Variants in NKAIN3 observed in about 807,000 individuals in gnomAD.
The protein encoded by NKAIN3 is sodium/potassium-transporting ATPase subunit beta-1-interacting protein 3.
Under a neutral mutation model 30.2 loss-of-function variants are expected in NKAIN3, and 25 were observed. The ratio of observed to expected loss-of-function variants is 0.83; its 90% CI spans 0.60 to 1.16. The LOEUF (loss-of-function observed/expected upper bound fraction) is 1.16, where lower values mean the gene tolerates loss of function less well. Ranked by LOEUF, NKAIN3 falls within the 50% of genes most tolerant of loss-of-function variation. NKAIN3 has a pLI of 0.00. For synonymous variants in NKAIN3, 91 were observed against 89.6 expected (o/e 1.02, Z -0.09); for missense variants, 225 against 254.1 (o/e 0.89, Z 0.78).
chr8:62,294,682 C>G (rs1813769178), intron 1 of NKAIN3, among the ~76,000 whole-genome samples: 1 of 151,452 alleles, frequency 6.6e-6, no homozygotes. Context: ...GGACCACAAG[C>G]ACGTGTCACC....
At chr8:62,414,189 G>C (rs1042478737) in intron 1 of NKAIN3, among the ~76,000 whole-genome samples, 3 of 152,108 alleles carry the variant, frequency 2.0e-5, no homozygotes, top group Non-Finnish European at 4.4e-5. Context: ...CCAGCCTTCA[G>C]TACAGACTAT....
At chr8:62,742,061 C>T (rs1815918190) in intron 3 of NKAIN3, among the ~76,000 whole-genome samples, 1 of 151,974 alleles carries the variant, frequency 6.6e-6, no homozygotes, top group Non-Finnish European at 1.5e-5. Context: ...TTAGCTGGGA[C>T]TCTTTTTCAC....
chr8:62,800,970 C>T (rs1339407748), intron 4 of NKAIN3, among the ~76,000 whole-genome samples: 1 of 152,234 alleles, frequency 6.6e-6, no homozygotes, highest in Non-Finnish European at 1.5e-5. Flanking sequence ...TTATATCCTG[C>T]ACCTGGCTCG....
In NKAIN3 at chr8:62,951,543, C is replaced by A. The variant is rs557512493; in HGVS notation, c.533-2359C>A. On this transcript the variant is annotated intron_variant, in intron 5 of 6. Transcript: ENST00000623646. Reference sequence around the variant, plus strand: ...TCTGGGCTCACTGCAACCTCTGCCTCTGCCCTGTGGGCTCAAACTATCCTT... The same window carrying A: ...TCTGGGCTCACTGCAACCTCTGCCTATGCCCTGTGGGCTCAAACTATCCTT... Among the ~76,000 whole-genome samples the A allele has an allele frequency of 3.9e-5, 6 of 152,280 alleles. No individual in the cohort carries two copies. In the East Asian group the frequency reaches 1.2e-3, roughly 29 times the overall value.
chr8:62,742,187 G>A (rs1815925399), intron 3 of NKAIN3, among the ~76,000 whole-genome samples: 1 of 151,856 alleles, frequency 6.6e-6, no homozygotes, highest in South Asian at 2.1e-4. Flanking sequence ...TAAATAGGTG[G>A]CTTAGAATTC....
chr8:62,432,319 A>G (rs1205966963), intron 1 of NKAIN3, among the ~76,000 whole-genome samples: 1 of 151,866 alleles, frequency 6.6e-6, no homozygotes. Flanking sequence ...TCTCCTAAGA[A>G]CTCTTTTATA....
chr8:62,445,531 A>G (rs1267035260), intron 1 of NKAIN3, among the ~76,000 whole-genome samples: 1 of 152,128 alleles, frequency 6.6e-6, no homozygotes, highest in Non-Finnish European at 1.5e-5. Flanking sequence ...TACACTCCCA[A>G]CTATTTTCTG....
In NKAIN3 at chr8:62,583,865, G is replaced by T. The variant is rs866727972; in HGVS notation, c.192+4189G>T. The stretch of plus-strand genomic sequence containing the variant: ...TATCTATTTGATAAAAGTACCTAAA[G>T]AATCATTAATCTATGAGTATGAGAA... On this transcript the variant is annotated intron_variant, in intron 2 of 6. Transcript: ENST00000623646. 6.6e-5 allele frequency among the ~76,000 whole-genome samples: 10 copies of T among 152,238 alleles called. No homozygotes were observed. In the South Asian group the frequency reaches 1.9e-3, roughly 28 times the overall value.
chr8:62,863,861 T>G, intron 4 of NKAIN3: 1 of 1,565,016 alleles, frequency 6.4e-7, no homozygotes, highest in East Asian at 2.2e-5. Context: ...ATAGCCACCT[T>G]TGCAGTAGTC....
intron 1 of NKAIN3, among the ~76,000 whole-genome samples, chr8:62,261,096 T>G (rs1812425576): frequency 6.6e-6 from 1 of 152,148 alleles, no homozygotes; most frequent in Non-Finnish European, 1.5e-5. Context: ...GGCAGGGGCT[T>G]TCTTCATAAG....
At chr8:62,581,817 T>TATCCTTTCTCCCTCCC (rs1810305358) in intron 2 of NKAIN3, among the ~76,000 whole-genome samples, 2 of 28,848 alleles carry the variant, frequency 6.9e-5, no homozygotes, top group Non-Finnish European at 1.7e-4. Flanking sequence ...CCCTTCCTTC[T>TATCCTTTCTCCCTCCC]TTACTTCCTT....
chr8:62,439,016 C>A (rs2129598092), intron 1 of NKAIN3, among the ~76,000 whole-genome samples: 1 of 152,270 alleles, frequency 6.6e-6, no homozygotes, highest in Middle Eastern at 3.4e-3. Flanking sequence ...TAGAGCATGA[C>A]ACAACTTTAG....
intron 1 of NKAIN3, among the ~76,000 whole-genome samples, chr8:62,312,802 G>A (rs1585665625): frequency 6.9e-6 from 1 of 145,270 alleles, no homozygotes; most frequent in Admixed American, 7.0e-5. Context: ...TGAAGCCTGG[G>A]TGACAGAGTG....
intron 3 of NKAIN3, among the ~76,000 whole-genome samples, chr8:62,598,545 C>T (rs1810902032): frequency 6.6e-6 from 1 of 152,058 alleles, no homozygotes; most frequent in South Asian, 2.1e-4. Flanking sequence ...GAGCAGACAT[C>T]CTGGTATAAG....
intron 4 of NKAIN3, among the ~76,000 whole-genome samples, chr8:62,878,827 C>T (rs949786648): frequency 6.6e-6 from 1 of 152,048 alleles, no homozygotes; most frequent in African/African-American, 2.4e-5. Context: ...CATGTCCCTA[C>T]AAAGAACATG....
chr8:62,400,073 T>C (rs1008603277), intron 1 of NKAIN3, among the ~76,000 whole-genome samples: 1 of 152,160 alleles, frequency 6.6e-6, no homozygotes, highest in Non-Finnish European at 1.5e-5. Context: ...TTTTGTTTTG[T>C]TTTGTTTATT....
intron 1 of NKAIN3, among the ~76,000 whole-genome samples, chr8:62,534,356 C>A (rs999725789): frequency 9.2e-5 from 14 of 152,132 alleles, no homozygotes; most frequent in Non-Finnish European, 1.6e-4. Flanking sequence ...ATAAATAGTA[C>A]AGGTCACCCG....
At chr8:62,960,735 G>GCA (rs113227908) in intron 6 of NKAIN3, among the ~76,000 whole-genome samples, 1,834 of 148,508 alleles carry the variant, frequency 0.012, 37 homozygotes, top group African/African-American at 0.038. Context: ...CAGGAAAAAA[G>GCA]CACACACACA....
At chr8:62,448,857 CA>C (rs1191204090) in intron 1 of NKAIN3, among the ~76,000 whole-genome samples, 2 of 151,946 alleles carry the variant, frequency 1.3e-5, no homozygotes, top group Admixed American at 1.3e-4. Context: ...CCATTTTAAT[CA>C]GGCTTCCCAG....
Sources: gnomAD v4.1 joint callset for allele counts (sites outside exome capture counted in the v4.1 genomes callset) on GRCh38, gnomAD v4.1.1 for gene constraint, MANE v1.5 for transcripts, NCBI Gene and HGNC (gene_info 2026-07-23, HGNC 2026-07-21) for gene names.